TAF10: variants seen among roughly 807,000 people sequenced by gnomAD.
TAF10 encodes transcription initiation factor TFIID subunit 10.
TAF10 carries 2 observed loss-of-function variants against 18.1 expected under a neutral mutation model. The ratio of observed to expected loss-of-function variants is 0.11; its 90% CI spans 0.05 to 0.35. The LOEUF is 0.35. TAF10 is among the 10% of genes least tolerant of loss of function. TAF10 has a pLI of 1.00. For missense variants in TAF10, 293 were observed against 306.9 expected (o/e 0.95, Z 0.34); for synonymous variants, 158 against 134.6 (o/e 1.17, Z -1.20).
At chr11:6,611,158 A>G in intron 4 of TAF10, 31 bp downstream of exon 4, 2 of 1,605,418 alleles carry the variant, frequency 1.2e-6, no homozygotes, top group Non-Finnish European at 1.7e-6. Context: ...TGTGGAAGGT[A>G]ATTACTGATT....
Position 6,610,014 on chromosome 11 carries a change from C to A in TAF10, c.*908G>T, listed in dbSNP as rs1474632483. On this transcript the variant is annotated 3_prime_UTR_variant, in exon 5 of 5. Coordinates refer to ENST00000299424, the MANE Select transcript of TAF10 (RefSeq NM_006284.4). ...CCAATGTCCTGGTCGCATGTATGCA[C>A]CTGCCTGGGTAGCCCCCGAAGGTGA... The A allele has an allele frequency of 6.2e-7, 1 of 1,614,060 alleles. No individual in the cohort carries two copies. Among genetic ancestry groups the A allele is most frequent in the African/African-American group, 1.3e-5 (1 of 74,916 alleles).
chr11:6,612,138 C>G lies in TAF10; in HGVS notation c.52G>C (p.Ala18Pro). The change falls in exon 1 of 5, where the codon GCC (alanine) becomes CCC (proline). Residue 18 changes from alanine to proline, a missense_variant. Physicochemically the swap from Ala to Pro is conservative, Grantham distance 27 (BLOSUM62 -1). Coordinates refer to ENST00000299424, the MANE Select transcript of TAF10 (RefSeq NM_006284.4). ...GGGGGCGCGGGGCCCGGGGCCGAGGCGGCGGAGGCCGGCGCCGCCTCGGGG... is the reference window on the plus strand; with the variant it reads ...GGGGGCGCGGGGCCCGGGGCCGAGGGGGCGGAGGCCGGCGCCGCCTCGGGG... ...ADPEAAPASA[A>P]SAPGPAPPVS... 1 of 1,195,676 alleles carries G rather than the reference C, an allele frequency of 8.4e-7. No individual in the cohort carries two copies. Among genetic ancestry groups the G allele is most frequent in the Non-Finnish European group, 1.0e-6 (1 of 966,402 alleles). The allele number at this position is 1,195,676 out of a possible 1,614,324, so 74.1% of individuals were successfully genotyped here.
chr11:6,610,030 C>T lies in TAF10; in HGVS notation c.*892G>A. 1 of 1,614,158 alleles carries T rather than the reference C, an allele frequency of 6.2e-7. No individual in the cohort carries two copies. Among genetic ancestry groups the T allele is most frequent in the Non-Finnish European group, 8.5e-7 (1 of 1,180,040 alleles). On this transcript the variant is annotated 3_prime_UTR_variant, in exon 5 of 5. Transcript: ENST00000299424. ...ATGTATGCACCTGCCTGGGTAGCCC[C>T]CGAAGGTGAGTGAAGTCATCATGTC...
chr11:6,611,500 G>A (rs368016624), intron 2 of TAF10, 48 bp from the exon 3 acceptor site: 96 of 1,610,398 alleles, frequency 6.0e-5, no homozygotes, highest in Admixed American at 1.0e-4. Flanking sequence ...AGGAGGGTGA[G>A]GGAAATGGAT....
chr11:6,611,435 A>G lies in TAF10; in HGVS notation c.405T>C (p.Thr135=), dbSNP rs1056680243. 6.2e-7 allele frequency: 1 copy of G among 1,614,192 alleles called. No individual in the cohort carries two copies. Among genetic ancestry groups the G allele is most frequent in the Middle Eastern group, 1.6e-4 (1 of 6,062 alleles). Residue 135 remains threonine, a synonymous_variant, in exon 3 of 5, where the codon ACT becomes ACC. Coordinates refer to ENST00000299424, the MANE Select transcript of TAF10 (RefSeq NM_006284.4). ...DYTPTIPDAV[T]GYYLNRAGFE... ...AGCCAGCACGGTTCAGGTAGTAACC[A>G]GTCACTGCATCTGGGATCTGAGAAA...
chr11:6,611,182 C>T lies in TAF10; in HGVS notation c.567+7G>A. On this transcript the variant is annotated splice_region_variant and intron_variant, in intron 4 of 4. Coordinates refer to ENST00000299424, the MANE Select transcript of TAF10 (RefSeq NM_006284.4). ...TAATTACTGATTCATTAAGCCTCCC[C>T]TCACACCTTGCTCTTGCTCCGGGAG... 7 of 1,613,494 alleles carry T rather than the reference C, an allele frequency of 4.3e-6. No homozygotes were observed. The highest frequency in any genetic ancestry group is 5.9e-6 in the Non-Finnish European group (7 of 1,179,452).
rs766701483 is a variant in TAF10, at chr11:6,609,388, T to C, written c.*1534A>G. On this transcript the variant is annotated 3_prime_UTR_variant, in exon 5 of 5. Transcript: ENST00000299424. Reference sequence around the variant, plus strand: ...GTACAAGGAAGAGCAGGGACTTCAATGAAGAGTGTCCCCGGCTCAGGTAGT... The same window carrying C: ...GTACAAGGAAGAGCAGGGACTTCAACGAAGAGTGTCCCCGGCTCAGGTAGT... The C allele has an allele frequency of 7.4e-6, 12 of 1,614,026 alleles. No homozygotes were observed. Among genetic ancestry groups the C allele is most frequent in the Non-Finnish European group, 1.0e-5 (12 of 1,179,996 alleles).
At position 6,609,543 on chromosome 11, in the gene TAF10, C is replaced by G; in HGVS notation, c.*1379G>C. The G allele has an allele frequency of 1.9e-6, 3 of 1,614,180 alleles. No individual in the cohort carries two copies. The highest frequency in any genetic ancestry group is 2.5e-6 in the Non-Finnish European group (3 of 1,180,028). ...CTCGCATCCAAATGTGCTCCCAGTGCTAGGTGCCTGCCAGTCTCCACCTGC... is the reference window on the plus strand; with the variant it reads ...CTCGCATCCAAATGTGCTCCCAGTGGTAGGTGCCTGCCAGTCTCCACCTGC... On this transcript the variant is annotated 3_prime_UTR_variant, in exon 5 of 5. Coordinates refer to ENST00000299424, the MANE Select transcript of TAF10 (RefSeq NM_006284.4).
In TAF10 at chr11:6,610,727, C is replaced by T. The variant is rs1855420326; in HGVS notation, c.*195G>A. On this transcript the variant is annotated 3_prime_UTR_variant, in exon 5 of 5. Coordinates refer to ENST00000299424, the MANE Select transcript of TAF10 (RefSeq NM_006284.4). ...CCCGCCTCCAGTCATGGTACTACCCCAGCCATGGGGTCCATCCCCTTCCCC... is the reference window on the plus strand; with the variant it reads ...CCCGCCTCCAGTCATGGTACTACCCTAGCCATGGGGTCCATCCCCTTCCCC... The T allele has an allele frequency of 7.1e-7, 1 of 1,407,628 alleles. No individual in the cohort carries two copies. The highest frequency in any genetic ancestry group is 1.0e-6 in the Non-Finnish European group (1 of 1,003,980). The allele number at this position is 1,407,628 out of a possible 1,614,324, so 87.2% of individuals were successfully genotyped here.
In TAF10 at chr11:6,611,003, C is replaced by T. The variant is rs1311171602; in HGVS notation, c.576G>A (p.Lys192=). ...GSSRSKSKDR[K]YTLTMEDLTP... ...TCAAGTCCTCCATGGTTAGAGTGTACTTGCGGTCCTGAGGGAAGAGGGAAG... is the reference window on the plus strand; with the variant it reads ...TCAAGTCCTCCATGGTTAGAGTGTATTTGCGGTCCTGAGGGAAGAGGGAAG... The change falls in exon 5 of 5, where the codon AAG becomes AAA. Residue 192 remains lysine (K), a synonymous_variant. Transcript: ENST00000299424. 6 of 1,614,076 alleles carry T rather than the reference C, an allele frequency of 3.7e-6. No homozygotes were observed. Among genetic ancestry groups the T allele is most frequent in the Admixed American group, 1.7e-5 (1 of 60,020 alleles).
At position 6,612,014 on chromosome 11, in the gene TAF10, C is replaced by T; in HGVS notation, c.176G>A (p.Gly59Glu). 6.5e-7 allele frequency: 1 copy of T among 1,537,884 alleles called. No homozygotes were observed. The highest frequency in any genetic ancestry group is 8.7e-7 in the Non-Finnish European group (1 of 1,149,688). Residue 59 changes from glycine to glutamate, a missense_variant, in exon 1 of 5, where the codon GGG becomes GAG. By Grantham distance (98) the Gly-to-Glu change is moderately conservative. Transcript: ENST00000299424. ...AGGPGAGAAA[G>E]GTGPLAARAG... ...CCGCGCCGCCAAGGGTCCCGTGCCCCCAGCAGCTGCTCCAGCCCCAGGTCC... is the reference window on the plus strand; with the variant it reads ...CCGCGCCGCCAAGGGTCCCGTGCCCTCAGCAGCTGCTCCAGCCCCAGGTCC...
At position 6,611,458 on chromosome 11, in the gene TAF10, AAATC is replaced by A. The variant is rs1263269659; in HGVS notation, c.388-10_388-7del. On this transcript the variant is annotated splice_polypyrimidine_tract_variant and splice_region_variant and intron_variant, in intron 2 of 4. Transcript: ENST00000299424. ...CCAGTCACTGCATCTGGGATCTGAGAAATCAATTAAGAGAACTGTCAGCAGAGCG... is the reference window on the plus strand; with the variant it reads ...CCAGTCACTGCATCTGGGATCTGAGAAATTAAGAGAACTGTCAGCAGAGCG... The A allele has an allele frequency of 1.2e-6, 2 of 1,613,986 alleles. No homozygotes were observed. Among genetic ancestry groups the A allele is most frequent in the African/African-American group, 2.7e-5 (2 of 74,920 alleles).
Position 6,607,777 on chromosome 11 carries a change from G to C in TAF10, c.*3145C>G. On this transcript the variant is annotated 3_prime_UTR_variant, in exon 5 of 5. Coordinates refer to ENST00000299424, the MANE Select transcript of TAF10 (RefSeq NM_006284.4). ...GGGTGCAAGAGAAACCAGGGGAAGA[G>C]CACTACCACCTAAGGAAATGAGATG... 2.0e-6 allele frequency: 1 copy of C among 493,534 alleles called. No homozygotes were observed. Among genetic ancestry groups the C allele is most frequent in the South Asian group, 2.1e-5 (1 of 47,620 alleles). 30.6% of individuals were successfully genotyped at this position (493,534 alleles called of 1,614,324 possible).
At position 6,607,865 on chromosome 11, in the gene TAF10, T is replaced by G. The variant is rs1237670522; in HGVS notation, c.*3057A>C. The G allele has an allele frequency of 1.6e-6, 1 of 619,274 alleles. No homozygotes were observed. Among genetic ancestry groups the G allele is most frequent in the Non-Finnish European group, 2.9e-6 (1 of 350,078 alleles). The allele number at this position is 619,274 out of a possible 1,614,324, so 38.4% of individuals were successfully genotyped here. The stretch of plus-strand genomic sequence containing the variant: ...TTGTTGAGATATCTAGGTGGTTGGT[T>G]TGGTTTGAAGCTCAGGGGAAGGTCT... On this transcript the variant is annotated 3_prime_UTR_variant, in exon 5 of 5. Transcript: ENST00000299424.
Position 6,609,485 on chromosome 11 carries a change from G to C in TAF10, c.*1437C>G. ...CACTGAAAGAGATCTTTTGTACTGGGTCTCAACCACTCCCTCCCTCTTCTA... is the reference window on the plus strand; with the variant it reads ...CACTGAAAGAGATCTTTTGTACTGGCTCTCAACCACTCCCTCCCTCTTCTA... On this transcript the variant is annotated 3_prime_UTR_variant, in exon 5 of 5. Transcript: ENST00000299424. 2 of 1,614,052 alleles carry C rather than the reference G, an allele frequency of 1.2e-6. No individual in the cohort carries two copies. Among genetic ancestry groups the C allele is most frequent in the Admixed American group, 1.7e-5 (1 of 60,014 alleles).
Position 6,610,548 on chromosome 11 carries a change from C to T in TAF10, c.*374G>A, listed in dbSNP as rs765285266. 1.2e-5 allele frequency: 20 copies of T among 1,614,206 alleles called. No homozygotes were observed. In the Admixed American group the frequency reaches 3.3e-4, roughly 27 times the overall value. ...TCATGAAGATCTGCATGAATGAAGA[C>T]CCTGCAAAGCGACCCAAATTTGACA... is the stretch of plus-strand genomic sequence containing the variant. On this transcript the variant is annotated 3_prime_UTR_variant, in exon 5 of 5. Coordinates refer to ENST00000299424, the MANE Select transcript of TAF10 (RefSeq NM_006284.4).
Position 6,608,922 on chromosome 11 carries a change from C to G in TAF10, c.*2000G>C. 1 of 1,614,208 alleles carries G rather than the reference C, an allele frequency of 6.2e-7. No homozygotes were observed. Among genetic ancestry groups the G allele is most frequent in the East Asian group, 2.2e-5 (1 of 44,888 alleles). ...GATGGGCCAGAATCTCAACCGTATT[C>G]CATACAAGGACACATTCTGGAAGGG... On this transcript the variant is annotated 3_prime_UTR_variant, in exon 5 of 5. Coordinates refer to ENST00000299424, the MANE Select transcript of TAF10 (RefSeq NM_006284.4). The surrounding 1 kb of genome is among the most constrained non-coding windows in gnomAD (Gnocchi z 4.9).
chr11:6,612,050 C>A lies in TAF10; in HGVS notation c.140G>T (p.Gly47Val). The change falls in exon 1 of 5, where the codon GGG becomes GTG. Residue 47 changes from glycine (G) to valine (V), a missense_variant. By Grantham distance (109) the Gly-to-Val change is moderately radical. Coordinates refer to ENST00000299424, the MANE Select transcript of TAF10 (RefSeq NM_006284.4). ...TAAENKASPAGTAGGPGAGAA... is the reference protein window; with the variant it reads ...TAAENKASPAVTAGGPGAGAA... ...TCCAGCCCCAGGTCCCCCCGCTGTC[C>A]CCGCGGGGCTGGCCTTGTTCTCCGC... 6.8e-7 allele frequency: 1 copy of A among 1,468,424 alleles called. No individual in the cohort carries two copies. Among genetic ancestry groups the A allele is most frequent in the South Asian group, 1.4e-5 (1 of 73,592 alleles). 91.0% of individuals were successfully genotyped at this position (1,468,424 alleles called of 1,614,324 possible).
rs368896352 is a variant in TAF10, at chr11:6,608,869, G to A, written c.*2053C>T. On this transcript the variant is annotated 3_prime_UTR_variant, in exon 5 of 5. Coordinates refer to ENST00000299424, the MANE Select transcript of TAF10 (RefSeq NM_006284.4). The surrounding 1 kb of genome is among the most constrained non-coding windows in gnomAD (Gnocchi z 4.9). ...CTCCCTCTGTACCACAGCTTAGGTT[G>A]TTTTTCTTCCCTAGAGCGGGCAGAG... is the stretch of plus-strand genomic sequence containing the variant. 8.1e-6 allele frequency: 13 copies of A among 1,613,988 alleles called. No homozygotes were observed. Among genetic ancestry groups the A allele is most frequent in the African/African-American group, 1.3e-5 (1 of 75,050 alleles).
Sources: gnomAD v4.1 joint callset for allele counts on GRCh38, gnomAD v4.1.1 for gene constraint, Gnocchi (gnomAD v3.1) non-coding constraint, MANE v1.5 for transcripts, NCBI Gene and HGNC (gene_info 2026-07-23, HGNC 2026-07-21) for gene names.